Variants in RADIL observed in about 807,000 individuals in gnomAD.
RADIL encodes ras-associating and dilute domain-containing protein.
RADIL carries 99 observed loss-of-function variants against 97.6 expected under a neutral mutation model. The ratio of observed to expected loss-of-function variants is 1.01; its 90% confidence interval spans 0.86 to 1.20. The LOEUF (loss-of-function observed/expected upper bound fraction) is 1.20, where lower values mean the gene tolerates loss of function less well. Ranked by LOEUF, RADIL falls within the 50% of genes most tolerant of loss-of-function variation. The pLI is 0.00. For missense variants in RADIL, 1,765 were observed against 1,498.9 expected, an observed-to-expected ratio of 1.18 and a Z score of -2.93; for synonymous variants, 803 against 691.8, an observed-to-expected ratio of 1.16 and a Z score of -2.52.
Position 4,851,200 on chromosome 7 carries a change from A to G in RADIL, c.536-14595T>C, listed in dbSNP as rs1010774996. 3.8e-4 allele frequency among the ~76,000 whole-genome samples: 57 copies of G among 150,448 alleles called. No individual in the cohort carries two copies. The East Asian group carries it at 0.01, about 27-fold the overall frequency. ...TGACAAGAGCAAAACTCCGTCTCAAAAAAAAAAAAGAAAAAAAGAAAAGAA... is the reference window on the plus strand; with the variant it reads ...TGACAAGAGCAAAACTCCGTCTCAAGAAAAAAAAAGAAAAAAAGAAAAGAA... On this transcript the variant is annotated intron_variant, in intron 2 of 14. Coordinates refer to ENST00000399583, the MANE Select transcript of RADIL (RefSeq NM_018059.5).
At chr7:4,848,738 G>A (rs1783636653) in intron 2 of RADIL, among the ~76,000 whole-genome samples, 1 of 152,178 alleles carries the variant, frequency 6.6e-6, no homozygotes, top group South Asian at 2.1e-4. Flanking sequence ...GAAATTTGGA[G>A]AGGCGGGTGG....
chr7:4,834,602 C>A lies in RADIL; in HGVS notation c.1416+5G>T. The A allele has an allele frequency of 1.5e-6, 2 of 1,326,990 alleles. No individual in the cohort carries two copies. The highest frequency in any genetic ancestry group is 1.9e-6 in the Non-Finnish European group (2 of 1,031,532). The allele number at this position is 1,326,990 out of a possible 1,614,324, so 82.2% of individuals were successfully genotyped here. On this transcript the variant is annotated splice_donor_5th_base_variant and intron_variant, in intron 4 of 14. Transcript: ENST00000399583. This position sits in a 1 kb window ranked among gnomAD's most constrained non-coding sequence, Gnocchi z 6.0. ...GACCCAGACCGCCCACCCCAGCACACTGACCCAGACAGTCTCGCGGATCAG... is the reference window on the plus strand; with the variant it reads ...GACCCAGACCGCCCACCCCAGCACAATGACCCAGACAGTCTCGCGGATCAG...
At chr7:4,845,843 C>T (rs1294776766) in intron 2 of RADIL, among the ~76,000 whole-genome samples, 1 of 152,198 alleles carries the variant, frequency 6.6e-6, no homozygotes, top group Non-Finnish European at 1.5e-5. Flanking sequence ...GTTAGGCAGA[C>T]ACAGATGGAG....
intron 5 of RADIL, among the ~76,000 whole-genome samples, chr7:4,826,169 C>T (rs1782970629): frequency 6.6e-6 from 1 of 151,974 alleles, no homozygotes; most frequent in Admixed American, 6.6e-5. Flanking sequence ...GACTGTACCA[C>T]TGCACTCCAG....
intron 2 of RADIL, among the ~76,000 whole-genome samples, chr7:4,843,496 G>T (rs956048983): frequency 1.3e-5 from 2 of 152,158 alleles, no homozygotes; most frequent in African/African-American, 4.8e-5. Context: ...GTCCTTGAAA[G>T]AAAATCATTT....
At position 4,837,213 on chromosome 7, in the gene RADIL, C is replaced by T. The variant is rs987229414; in HGVS notation, c.536-608G>A. ...CCTCCCCTGCAGCAGCCCAGGGTCACACCGCGGCCTGCCCGACCAGCCAGC... is the reference window on the plus strand; with the variant it reads ...CCTCCCCTGCAGCAGCCCAGGGTCATACCGCGGCCTGCCCGACCAGCCAGC... On this transcript the variant is annotated intron_variant, in intron 2 of 14. Coordinates refer to ENST00000399583, the MANE Select transcript of RADIL (RefSeq NM_018059.5). This position sits in a 1 kb window ranked among gnomAD's most constrained non-coding sequence, Gnocchi z 5.6. 6.6e-6 allele frequency among the ~76,000 whole-genome samples: 1 copy of T among 152,192 alleles called. No homozygotes were observed. The highest frequency in any genetic ancestry group is 2.4e-5 in the African/African-American group (1 of 41,448).
intron 2 of RADIL, chr7:4,838,007 GC>G (rs1397569061): frequency 7.1e-6 from 7 of 985,286 alleles, no homozygotes; most frequent in Non-Finnish European, 8.4e-6. Context: ...ACCCTTACCA[GC>G]GCCAGCAGCC....
chr7:4,861,829 C>G (rs934923834), intron 2 of RADIL: 1 of 1,274,288 alleles, frequency 7.8e-7, no homozygotes, highest in Non-Finnish European at 9.9e-7. Flanking sequence ...GCCCGCCCCG[C>G]CAGGGCACGT....
intron 2 of RADIL, among the ~76,000 whole-genome samples, chr7:4,847,056 T>C (rs1047244053): frequency 6.6e-6 from 1 of 151,792 alleles, no homozygotes; most frequent in African/African-American, 2.4e-5. Context: ...CATGGTGGCT[T>C]ACACCTGTAA....
At chr7:4,805,911 C>G in intron 9 of RADIL, 195 bp from the exon 10 acceptor site, 3 of 985,384 alleles carry the variant, frequency 3.0e-6, no homozygotes, top group South Asian at 9.4e-5. Context: ...GGCAGCTGCT[C>G]CAGGGAGAGG....
intron 10 of RADIL, 111 bp from the exon 11 acceptor site, chr7:4,803,865 T>TC (rs1782201694): frequency 1.0e-6 from 1 of 965,292 alleles, no homozygotes; most frequent in Non-Finnish European, 1.6e-6. Context: ...GAGCCCTGAG[T>TC]CCCCTGCCCT....
At chr7:4,831,632 T>C (rs1783142631) in intron 5 of RADIL, among the ~76,000 whole-genome samples, 1 of 143,924 alleles carries the variant, frequency 6.9e-6, no homozygotes, top group Non-Finnish European at 1.5e-5. Context: ...GTAATCCTAG[T>C]ACTTTGGGAG....
rs2115197840 is a variant in RADIL at position 4,821,975 on chromosome 7, T to C, written c.1615+419A>G. Among the ~76,000 whole-genome samples, 1 of 152,124 alleles carries C rather than the reference T, an allele frequency of 6.6e-6. No individual in the cohort carries two copies. Among genetic ancestry groups the C allele is most frequent in the Admixed American group, 6.5e-5 (1 of 15,286 alleles). ...TCTGTCCTTCTGGAATAACGGTGTG[T>C]CTCAGAACGGGCGGCGGTCTCATGG... On this transcript the variant is annotated intron_variant, in intron 6 of 14. Coordinates refer to ENST00000399583, the MANE Select transcript of RADIL (RefSeq NM_018059.5). The surrounding 1 kb of genome is among the most constrained non-coding windows in gnomAD (Gnocchi z 5.2).
chr7:4,846,503 T>G (rs1170257349), intron 2 of RADIL, among the ~76,000 whole-genome samples: 1 of 150,550 alleles, frequency 6.6e-6, no homozygotes, highest in African/African-American at 2.4e-5. Context: ...TTCCTTGCCA[T>G]CTAGAAAATG....
chr7:4,856,144 C>T (rs143832807), intron 2 of RADIL, among the ~76,000 whole-genome samples: 3 of 150,324 alleles, frequency 2.0e-5, no homozygotes, highest in African/African-American at 7.4e-5. Flanking sequence ...GTCACCCAGG[C>T]TGGAGCGCAG....
intron 10 of RADIL, among the ~76,000 whole-genome samples, chr7:4,804,300 G>A (rs117992531): frequency 0.018 from 2,762 of 152,360 alleles, 37 homozygotes; most frequent in Middle Eastern, 0.051. Context: ...GAATCAATGC[G>A]GAGGAAGGAC....
chr7:4,848,426 T>C lies in RADIL; in HGVS notation c.536-11821A>G, dbSNP rs530738902. Reference sequence around the variant, plus strand: ...CCCAGTCCAACAGAGACAAGGAAGATAGCTCCAAGAAGCTGAAATTGATAA... The same window carrying C: ...CCCAGTCCAACAGAGACAAGGAAGACAGCTCCAAGAAGCTGAAATTGATAA... On this transcript the variant is annotated intron_variant, in intron 2 of 14. Transcript: ENST00000399583. Among the ~76,000 whole-genome samples the C allele has an allele frequency of 5.3e-4, 81 of 152,086 alleles. 1 individual carries two copies. The highest frequency in any genetic ancestry group is 1.6e-3 in the African/African-American group (68 of 41,492).
chr7:4,856,357 G>A (rs986530336), intron 2 of RADIL, among the ~76,000 whole-genome samples: 1 of 152,134 alleles, frequency 6.6e-6, no homozygotes, highest in Admixed American at 6.5e-5. Flanking sequence ...CGATCCACCC[G>A]CCTCGACCTC....
rs746769856 is a variant in RADIL at position 4,880,585 on chromosome 7, A to C, written c.-64-2382T>G. On this transcript the variant is annotated intron_variant, in intron 1 of 14. Transcript: ENST00000399583. The surrounding 1 kb of genome is among the most constrained non-coding windows in gnomAD (Gnocchi z 4.5). ...GCACCTCTCCAGATGCCCCAGGCTT[A>C]GAAGCCTCCAGGCAGCACACACTGG... 9.8e-5 allele frequency among the ~76,000 whole-genome samples: 15 copies of C among 152,352 alleles called. No individual in the cohort carries two copies. The highest frequency in any genetic ancestry group is 2.6e-4 in the Admixed American group (4 of 15,304).
Sources: gnomAD v4.1 joint callset for allele counts (sites outside exome capture counted in the v4.1 genomes callset) on GRCh38, gnomAD v4.1.1 for gene constraint, Gnocchi (gnomAD v3.1) non-coding constraint, MANE v1.5 for transcripts, NCBI Gene and HGNC (gene_info 2026-07-23, HGNC 2026-07-21) for gene names.